NOP58: variants seen among roughly 807,000 people sequenced by gnomAD.
The protein encoded by NOP58 is nucleolar protein 58.
NOP58 carries 44 observed loss-of-function variants against 71.2 expected under a neutral mutation model. That is an observed-to-expected ratio of 0.62 (90% CI 0.49 to 0.79). The LOEUF (loss-of-function observed/expected upper bound fraction) is 0.79, where lower values mean the gene tolerates loss of function less well. Among genes scored for constraint, NOP58 ranks in the 30% least tolerant of loss-of-function variants. The probability of loss-of-function intolerance (pLI) is 0.00; values close to 1 mark genes in which losing one functional copy is unlikely to be tolerated. For synonymous variants in NOP58, 228 were observed against 200.3 expected (o/e 1.14, Z -1.17); for missense variants, 538 against 620.2 (o/e 0.87, Z 1.41).
chr2:202,286,259 C>T (rs1034873169), intron 5 of NOP58, among the ~76,000 whole-genome samples: 21 of 150,764 alleles, frequency 1.4e-4, no homozygotes, highest in Non-Finnish European at 4.4e-5. Context: ...CATCCCAGCA[C>T]TTTGCGAGGC....
intron 7 of NOP58, 133 bp downstream of exon 7, chr2:202,290,590 C>T: frequency 1.4e-6 from 1 of 718,678 alleles, no homozygotes; most frequent in Non-Finnish European, 2.3e-6. Context: ...GGAAGTGTAG[C>T]AGTTTAGTGT....
At position 202,284,368 on chromosome 2, in the gene NOP58, C is replaced by G. The variant is rs762525171; in HGVS notation, c.321C>G (p.Ile107Met). The G allele has an allele frequency of 1.9e-6, 3 of 1,611,882 alleles. No individual in the cohort carries two copies. The highest frequency in any genetic ancestry group is 2.5e-6 in the Non-Finnish European group (3 of 1,178,372). Residue 107 changes from isoleucine to methionine, a missense_variant, in exon 5 of 15, where the codon ATC becomes ATG. Coordinates refer to ENST00000264279, the MANE Select transcript of NOP58 (RefSeq NM_015934.5). ...AGGAAAAGCTGAATCTCAGTTGTAT[C>G]CATAGTCCTGTTGTTAATGAACTTA... Reference protein sequence around the residue: ...VIKEKLNLSCIHSPVVNELMR... With the variant: ...VIKEKLNLSCMHSPVVNELMR...
chr2:202,300,481 C>T (rs1036357625), intron 13 of NOP58, 114 bp downstream of exon 13: 11 of 788,718 alleles, frequency 1.4e-5, no homozygotes, highest in East Asian at 2.7e-5. Context: ...GCTCATTGAA[C>T]GCTAATGGTG....
chr2:202,293,447 A>G (rs1021706659), intron 9 of NOP58, among the ~76,000 whole-genome samples: 7 of 152,274 alleles, frequency 4.6e-5, no homozygotes, highest in African/African-American at 1.7e-4. Flanking sequence ...ATATGCTATA[A>G]TTAAAATGCT....
At chr2:202,272,148 A>AT (rs1688521090) in intron 1 of NOP58, among the ~76,000 whole-genome samples, 5 of 106,678 alleles carry the variant, frequency 4.7e-5, no homozygotes, top group South Asian at 3.5e-4. Flanking sequence ...TCTGATGTAT[A>AT]ATTTTTTTTT....
chr2:202,279,600 G>C (rs1310037966), intron 3 of NOP58, among the ~76,000 whole-genome samples: 1 of 152,212 alleles, frequency 6.6e-6, no homozygotes, highest in Non-Finnish European at 1.5e-5. Flanking sequence ...TTCAAGATCA[G>C]CCTGGCCAAC....
At chr2:202,297,284 C>A in intron 10 of NOP58, 95 bp from the exon 11 acceptor site, 1 of 1,149,676 alleles carries the variant, frequency 8.7e-7, no homozygotes, top group South Asian at 1.5e-5. Context: ...TTGTATGATT[C>A]ATAATAGTTT....
chr2:202,291,806 CAAAAAA>C (rs1161178890), intron 8 of NOP58, among the ~76,000 whole-genome samples: 3 of 41,900 alleles, frequency 7.2e-5, no homozygotes, highest in Non-Finnish European at 7.9e-5. Flanking sequence ...AACTCCATCT[CAAAAAA>C]AAAAAAAAAA....
At chr2:202,273,725 C>T (rs1271632173) in intron 1 of NOP58, among the ~76,000 whole-genome samples, 1 of 152,264 alleles carries the variant, frequency 6.6e-6, no homozygotes, top group Admixed American at 6.5e-5. Context: ...GGTGGATCAC[C>T]TGATGTCAGG....
intron 12 of NOP58, among the ~76,000 whole-genome samples, chr2:202,298,666 A>G (rs1244366774): frequency 1.3e-5 from 2 of 152,204 alleles, no homozygotes; most frequent in Admixed American, 1.3e-4. Flanking sequence ...ATCCCTACAG[A>G]AACCTATTTT....
intron 7 of NOP58, 29 bp downstream of exon 7, chr2:202,290,486 T>A (rs762108975): frequency 6.3e-7 from 1 of 1,575,300 alleles, no homozygotes; most frequent in Non-Finnish European, 8.6e-7. Flanking sequence ...CTTTAAGGCA[T>A]TGAAAGTAAA....
At chr2:202,279,052 AAGAT>A (rs1688656386) in intron 3 of NOP58, among the ~76,000 whole-genome samples, 1 of 152,238 alleles carries the variant, frequency 6.6e-6, no homozygotes, top group East Asian at 1.9e-4. Flanking sequence ...AATTTTTAAA[AAGAT>A]AGCCTGTTCA....
At chr2:202,284,635 G>A (rs1276244788) in intron 5 of NOP58, 154 bp downstream of exon 5, 10 of 763,800 alleles carry the variant, frequency 1.3e-5, no homozygotes, top group Middle Eastern at 2.5e-4. Flanking sequence ...TGAAACTGAA[G>A]CCCAAGGTCA....
At chr2:202,282,935 G>A (rs7573962) in intron 4 of NOP58, among the ~76,000 whole-genome samples, 18,815 of 152,118 alleles carry the variant, frequency 0.12, 3,931 homozygotes, top group African/African-American at 0.43. Context: ...TTCGGGCGGG[G>A]CGCGGTGGCT....
At chr2:202,287,064 CTTTTTTTT>C (rs11326861) in intron 5 of NOP58, among the ~76,000 whole-genome samples, 268 of 110,730 alleles carry the variant, frequency 2.4e-3, no homozygotes, top group African/African-American at 8.1e-3. Context: ...ACCAATATGG[CTTTTTTTT>C]TTTTTTTTTT....
At chr2:202,298,247 G>T (rs372432175) in intron 12 of NOP58, among the ~76,000 whole-genome samples, 2 of 151,966 alleles carry the variant, frequency 1.3e-5, no homozygotes, top group Non-Finnish European at 2.9e-5. Context: ...TTAGTTTTCC[G>T]CATTAACTTC....
intron 10 of NOP58, among the ~76,000 whole-genome samples, chr2:202,297,061 G>A (rs1317598812): frequency 2.6e-5 from 4 of 152,110 alleles, no homozygotes; most frequent in East Asian, 1.9e-4. Flanking sequence ...AGATTGTTAC[G>A]AGGAAAAAGA....
intron 1 of NOP58, among the ~76,000 whole-genome samples, 169 bp downstream of exon 1, chr2:202,266,155 C>T (rs1688411592): frequency 6.6e-6 from 1 of 152,104 alleles, no homozygotes; most frequent in Non-Finnish European, 1.5e-5. Flanking sequence ...ACGTGTAACA[C>T]GTGGCCCCGC....
At chr2:202,289,414 CTT>C (rs767428274) in intron 6 of NOP58, among the ~76,000 whole-genome samples, 1 of 152,192 alleles carries the variant, frequency 6.6e-6, no homozygotes, top group African/African-American at 2.4e-5. Context: ...CACGTCAAAA[CTT>C]TGTTTTATGC....
Sources: gnomAD v4.1 joint callset for allele counts (sites outside exome capture counted in the v4.1 genomes callset) on GRCh38, gnomAD v4.1.1 for gene constraint, MANE v1.5 for transcripts, NCBI Gene and HGNC (gene_info 2026-07-23, HGNC 2026-07-21) for gene names.